The following MYRIP variants were observed in gnomAD, a reference collection of about 807,000 sequenced individuals.
MYRIP encodes the protein myosin VIIA and Rab interacting protein.
A neutral mutation model predicts 98.0 loss-of-function variants in MYRIP; 49 were observed. The observed-to-expected ratio is 0.50, with a 90% CI of 0.40 to 0.63. The LOEUF is 0.63. Among genes scored for constraint, MYRIP ranks in the 30% least tolerant of loss-of-function variants. MYRIP has a pLI of 0.00. For synonymous variants in MYRIP, 404 were observed against 409.5 expected (o/e 0.99, Z 0.16); for missense variants, 1,004 against 1,058.2 (o/e 0.95, Z 0.71).
At chr3:39,959,755 A>C (rs942352310) in intron 2 of MYRIP, among the ~76,000 whole-genome samples, 4 of 152,118 alleles carry the variant, frequency 2.6e-5, no homozygotes, top group African/African-American at 9.7e-5. Context: ...TAGAAGAATG[A>C]AAGTTTTAAG....
intron 2 of MYRIP, among the ~76,000 whole-genome samples, chr3:39,998,781 T>C (rs1946437280): frequency 6.6e-6 from 1 of 152,102 alleles, no homozygotes; most frequent in Non-Finnish European, 1.5e-5. Flanking sequence ...CAAACTATAC[T>C]ACAAGGCTAC....
chr3:39,852,775 C>G (rs1575306591), intron 1 of MYRIP, among the ~76,000 whole-genome samples: 1 of 143,634 alleles, frequency 7.0e-6, no homozygotes. Context: ...CTTCTCTTCT[C>G]TTCTGTTCTC....
intron 3 of MYRIP, among the ~76,000 whole-genome samples, chr3:40,114,271 A>G (rs1012016382): frequency 1.3e-5 from 2 of 152,206 alleles, no homozygotes; most frequent in African/African-American, 4.8e-5. Flanking sequence ...TGCCTACAGT[A>G]TTCAGTACAA....
In MYRIP at chr3:40,009,785, C is replaced by T. The variant is rs562860551; in HGVS notation, c.111-34265C>T. 8.5e-5 allele frequency among the ~76,000 whole-genome samples: 13 copies of T among 152,232 alleles called. No individual in the cohort carries two copies. In the South Asian group the frequency reaches 1.0e-3, roughly 12 times the overall value. ...CAATGATAAAACAGTGATTTTATCC[C>T]GTGACTGTGATGTATAGGTTCTGTG... On this transcript the variant is annotated intron_variant, in intron 2 of 16. Coordinates refer to ENST00000302541, the MANE Select transcript of MYRIP (RefSeq NM_015460.4).
chr3:40,059,388 C>T (rs1947954672), intron 3 of MYRIP, among the ~76,000 whole-genome samples: 1 of 152,190 alleles, frequency 6.6e-6, no homozygotes, highest in Admixed American at 6.5e-5. Context: ...AACTAATTTA[C>T]ACTCCCACCA....
chr3:40,116,007 T>G (rs1443222097), intron 3 of MYRIP, among the ~76,000 whole-genome samples: 1 of 152,120 alleles, frequency 6.6e-6, no homozygotes, highest in Non-Finnish European at 1.5e-5. Context: ...CGAGCAAGGT[T>G]GAGTAGAACA....
chr3:40,084,657 T>C (rs930520356), intron 3 of MYRIP, among the ~76,000 whole-genome samples: 3 of 149,896 alleles, frequency 2.0e-5, no homozygotes, highest in African/African-American at 7.3e-5. Context: ...AATACACATC[T>C]ATGTATTACA....
intron 1 of MYRIP, among the ~76,000 whole-genome samples, chr3:39,838,415 TGAA>T (rs1232581865): frequency 6.6e-6 from 1 of 152,240 alleles, no homozygotes; most frequent in African/African-American, 2.4e-5. Context: ...GTTTTTAACA[TGAA>T]GGAGTGTTGA....
At chr3:40,079,962 T>C (rs1029936239) in intron 3 of MYRIP, among the ~76,000 whole-genome samples, 1 of 152,244 alleles carries the variant, frequency 6.6e-6, no homozygotes, top group Non-Finnish European at 1.5e-5. Flanking sequence ...TCCTTCCTTA[T>C]ACATTTCTTT....
chr3:40,140,150 A>G (rs1244158567), intron 3 of MYRIP, among the ~76,000 whole-genome samples: 6 of 152,158 alleles, frequency 3.9e-5, no homozygotes, highest in Non-Finnish European at 8.8e-5. Flanking sequence ...TTGTGTAGAC[A>G]TATCATTTCT....
At chr3:40,121,320 C>T (rs1233081042) in intron 3 of MYRIP, among the ~76,000 whole-genome samples, 2 of 152,172 alleles carry the variant, frequency 1.3e-5, no homozygotes, top group Non-Finnish European at 2.9e-5. Context: ...GTTTTTATCC[C>T]TATTAATACA....
intron 11 of MYRIP, among the ~76,000 whole-genome samples, chr3:40,229,683 T>A (rs1952594972): frequency 6.6e-6 from 1 of 152,204 alleles, no homozygotes; most frequent in Non-Finnish European, 1.5e-5. Flanking sequence ...CTTCTCCTCA[T>A]CTTCTGTGCC....
At chr3:39,974,073 G>C (rs1158367475) in intron 2 of MYRIP, among the ~76,000 whole-genome samples, 2 of 144,092 alleles carry the variant, frequency 1.4e-5, no homozygotes, top group Admixed American at 7.1e-5. Context: ...AGGAAATAGA[G>C]ACACAAAAAA....
intron 3 of MYRIP, among the ~76,000 whole-genome samples, chr3:40,072,850 T>C (rs1283554772): frequency 6.6e-6 from 1 of 152,122 alleles, no homozygotes. Context: ...AAATGTATAT[T>C]GTGCAGTTGT....
chr3:39,822,002 AAGG>A (rs1432175013), intron 1 of MYRIP, among the ~76,000 whole-genome samples: 1 of 152,180 alleles, frequency 6.6e-6, no homozygotes, highest in African/African-American at 2.4e-5. Context: ...TCAGTTATTG[AAGG>A]AGAAGTATAT....
intron 1 of MYRIP, among the ~76,000 whole-genome samples, chr3:39,816,567 T>C (rs932633983): frequency 2.0e-5 from 3 of 152,210 alleles, no homozygotes; most frequent in Non-Finnish European, 4.4e-5. Flanking sequence ...TCTTAGTTAT[T>C]ATCATAATTA....
intron 2 of MYRIP, among the ~76,000 whole-genome samples, chr3:39,965,724 T>G (rs2125737939): frequency 6.6e-6 from 1 of 152,216 alleles, no homozygotes; most frequent in Non-Finnish European, 1.5e-5. Flanking sequence ...ATAAGTCCTC[T>G]TACTTAAAAT....
chr3:39,868,077 A>T (rs1942676839), intron 1 of MYRIP, among the ~76,000 whole-genome samples: 1 of 152,190 alleles, frequency 6.6e-6, no homozygotes, highest in African/African-American at 2.4e-5. Flanking sequence ...ACACTCCAAG[A>T]TAAGGAGGGA....
At chr3:39,986,160 G>T (rs909237126) in intron 2 of MYRIP, among the ~76,000 whole-genome samples, 3 of 152,150 alleles carry the variant, frequency 2.0e-5, no homozygotes, top group African/African-American at 7.2e-5. Context: ...TTACTTGCTA[G>T]TGTTAGGTGG....
Sources: gnomAD v4.1 joint callset for allele counts (sites outside exome capture counted in the v4.1 genomes callset) on GRCh38, gnomAD v4.1.1 for gene constraint, MANE v1.5 for transcripts, NCBI Gene and HGNC (gene_info 2026-07-23, HGNC 2026-07-21) for gene names.